Variants in KPNA4 observed in about 807,000 individuals in gnomAD.
KPNA4 encodes the protein karyopherin subunit alpha 4.
KPNA4 carries 13 observed loss-of-function variants against 71.3 expected under a neutral mutation model. That is an observed-to-expected ratio of 0.18 (90% CI 0.12 to 0.29). The LOEUF (loss-of-function observed/expected upper bound fraction) is 0.29, where lower values mean the gene tolerates loss of function less well. Ranked by LOEUF, KPNA4 falls within the 10% of genes least tolerant of loss-of-function variation. The pLI is 1.00. For synonymous variants in KPNA4, 189 were observed against 195.2 expected, an observed-to-expected ratio of 0.97 and a Z score of 0.26; for missense variants, 334 against 603.2, an observed-to-expected ratio of 0.55 and a Z score of 4.67.
intron 11 of KPNA4, among the ~76,000 whole-genome samples, chr3:160,519,801 C>CAAA (rs558355699): frequency 2.9e-4 from 24 of 83,660 alleles, no homozygotes; most frequent in African/African-American, 6.8e-4. Flanking sequence ...GACTCCGTCT[C>CAAA]AAAAAAAAAA....
chr3:160,522,909 C>G (rs1577052107), intron 10 of KPNA4, among the ~76,000 whole-genome samples: 2 of 148,968 alleles, frequency 1.3e-5, no homozygotes, highest in South Asian at 4.2e-4. Context: ...CCTGTGTAAT[C>G]AACTTCTACT....
intron 1 of KPNA4, among the ~76,000 whole-genome samples, chr3:160,559,804 G>C (rs1722207369): frequency 6.6e-6 from 1 of 152,030 alleles, no homozygotes. Flanking sequence ...AAACAGATGA[G>C]AATTCAGCTG....
chr3:160,522,565 C>T (rs913137474), intron 10 of KPNA4, among the ~76,000 whole-genome samples: 3 of 152,092 alleles, frequency 2.0e-5, no homozygotes, highest in African/African-American at 7.2e-5. Flanking sequence ...TCATGCCATT[C>T]TCCTGCCTCA....
chr3:160,520,653 A>T (rs367621172), intron 11 of KPNA4, among the ~76,000 whole-genome samples: 2 of 152,172 alleles, frequency 1.3e-5, no homozygotes, highest in African/African-American at 4.8e-5. Flanking sequence ...ACTATGTATC[A>T]GTATCACCTG....
intron 1 of KPNA4, among the ~76,000 whole-genome samples, chr3:160,539,126 G>A (rs1273586622): frequency 6.6e-6 from 1 of 152,096 alleles, no homozygotes; most frequent in Admixed American, 6.5e-5. Context: ...CTATGGGAAG[G>A]CTTTTCCCTT....
At chr3:160,523,868 A>G (rs1002297920) in intron 10 of KPNA4, among the ~76,000 whole-genome samples, 1 of 151,912 alleles carries the variant, frequency 6.6e-6, no homozygotes, top group African/African-American at 2.4e-5. Context: ...AAAAAAAAAG[A>G]ATTCACATAA....
rs1226375572 is a variant in KPNA4 at position 160,500,613 on chromosome 3, T to C, written c.*1491A>G. 1 of 152,614 alleles carries C rather than the reference T, an allele frequency of 6.6e-6. No homozygotes were observed. The highest frequency in any genetic ancestry group is 2.4e-5 in the African/African-American group (1 of 41,442). The allele number at this position is 152,614 out of a possible 1,614,324, so 9.5% of individuals were successfully genotyped here. ...TATTATTCCAATTTATAAAAACCAC[T>C]TGCATAACTTTTATGCAAGTTTTAA... On this transcript the variant is annotated 3_prime_UTR_variant, in exon 17 of 17. Coordinates refer to ENST00000334256, the MANE Select transcript of KPNA4 (RefSeq NM_002268.5).
intron 1 of KPNA4, among the ~76,000 whole-genome samples, chr3:160,543,660 C>CA (rs1721850543): frequency 6.6e-6 from 1 of 151,892 alleles, no homozygotes; most frequent in Non-Finnish European, 1.5e-5. Flanking sequence ...AAAACAATGT[C>CA]AAAAAATATG....
At chr3:160,548,684 T>A (rs1197485425) in intron 1 of KPNA4, among the ~76,000 whole-genome samples, 2 of 152,212 alleles carry the variant, frequency 1.3e-5, no homozygotes. Flanking sequence ...ACATTTTATC[T>A]ATCTATTTTA....
chr3:160,511,447 T>G (rs868022437), intron 13 of KPNA4, among the ~76,000 whole-genome samples: 1 of 152,036 alleles, frequency 6.6e-6, no homozygotes, highest in Non-Finnish European at 1.5e-5. Context: ...ACTGGAGACA[T>G]CTCAAATATC....
At chr3:160,506,777 A>T (rs778645398) in intron 15 of KPNA4, among the ~76,000 whole-genome samples, 3 of 152,154 alleles carry the variant, frequency 2.0e-5, no homozygotes, top group Non-Finnish European at 2.9e-5. Flanking sequence ...CTTAATCCCT[A>T]ATTAGTTCTG....
chr3:160,565,415 C>T lies in KPNA4; in HGVS notation c.-133G>A, dbSNP rs1439497071. The T allele has an allele frequency of 5.8e-6, 4 of 695,482 alleles. No homozygotes were observed. The highest frequency in any genetic ancestry group is 7.3e-6 in the Non-Finnish European group (3 of 410,544). The allele number at this position is 695,482 out of a possible 1,614,324, so 43.1% of individuals were successfully genotyped here. A position where few individuals can be genotyped will look rare whatever the true frequency, so the allele number is the denominator to read the frequency against. ...CCGCCGCGCCGCCGCTTCCTTCCTC[C>T]TCTCACCTGCCTCCGCCGCGGCCTT... On this transcript the variant is annotated 5_prime_UTR_variant, in exon 1 of 17. Coordinates refer to ENST00000334256, the MANE Select transcript of KPNA4 (RefSeq NM_002268.5).
chr3:160,527,035 C>T (rs930827272), intron 8 of KPNA4, among the ~76,000 whole-genome samples: 7 of 152,180 alleles, frequency 4.6e-5, no homozygotes, highest in African/African-American at 1.7e-4. Flanking sequence ...TCTTTACTTT[C>T]ATGTTGGCCC....
Position 160,499,525 on chromosome 3 carries a change from C to G in KPNA4, c.*2579G>C, listed in dbSNP as rs1216071519. On this transcript the variant is annotated 3_prime_UTR_variant, in exon 17 of 17. Coordinates refer to ENST00000334256, the MANE Select transcript of KPNA4 (RefSeq NM_002268.5). ...TGTTTAACCAGGTAACCGTGATGAA[C>G]TGTCAACTGTACTGAATCAATTTCA... is the stretch of plus-strand genomic sequence containing the variant. 8.7e-5 allele frequency: 13 copies of G among 150,196 alleles called. No individual in the cohort carries two copies. The highest frequency in any genetic ancestry group is 8.6e-4 in the Admixed American group (13 of 15,060). 9.3% of individuals were successfully genotyped at this position (150,196 alleles called of 1,614,324 possible).
At position 160,499,878 on chromosome 3, in the gene KPNA4, T is replaced by C. The variant is rs1420046771; in HGVS notation, c.*2226A>G. On this transcript the variant is annotated 3_prime_UTR_variant, in exon 17 of 17. Coordinates refer to ENST00000334256, the MANE Select transcript of KPNA4 (RefSeq NM_002268.5). ...CATTTGGAGCTATATGTTGAAGATA[T>C]AGCAATACTCAAAATATAGTTCAAG... 8 of 152,238 alleles carry C rather than the reference T, an allele frequency of 5.3e-5. No individual in the cohort carries two copies. The highest frequency in any genetic ancestry group is 3.9e-4 in the East Asian group (2 of 5,192). The allele number at this position is 152,238 out of a possible 1,614,324, so 9.4% of individuals were successfully genotyped here.
intron 1 of KPNA4, among the ~76,000 whole-genome samples, chr3:160,542,251 C>T (rs1721814950): frequency 6.6e-6 from 1 of 152,178 alleles, no homozygotes; most frequent in South Asian, 2.1e-4. Flanking sequence ...AAATTATCAT[C>T]ACAACCCAAA....
chr3:160,553,298 G>T (rs1437599422), intron 1 of KPNA4, among the ~76,000 whole-genome samples: 1 of 152,150 alleles, frequency 6.6e-6, no homozygotes, highest in South Asian at 2.1e-4. Context: ...TGGGAGTTGG[G>T]AAGAAAGCAC....
intron 1 of KPNA4, among the ~76,000 whole-genome samples, chr3:160,564,864 CGGCCCGGCCGG>C (rs2108564412): frequency 6.7e-6 from 1 of 150,130 alleles, no homozygotes; most frequent in South Asian, 2.1e-4. Flanking sequence ...GAAGGGGCCG[CGGCCCGGCCGG>C]GGCAGCACCG....
At chr3:160,535,755 A>G in intron 3 of KPNA4, 53 bp downstream of exon 3, 2 of 1,565,768 alleles carry the variant, frequency 1.3e-6, no homozygotes, top group Middle Eastern at 1.7e-4. Flanking sequence ...TATTAATGTG[A>G]AATCTTTCAC....
Sources: gnomAD v4.1 joint callset for allele counts (sites outside exome capture counted in the v4.1 genomes callset) on GRCh38, gnomAD v4.1.1 for gene constraint, MANE v1.5 for transcripts, NCBI Gene and HGNC (gene_info 2026-07-23, HGNC 2026-07-21) for gene names.